RAB44: variants seen among roughly 807,000 people sequenced by gnomAD.
The protein encoded by RAB44 is ras-related protein Rab-44.
Under a neutral mutation model 93.3 loss-of-function variants are expected in RAB44, and 67 were observed. The observed-to-expected ratio is 0.72, with a 90% CI of 0.59 to 0.88. The LOEUF is 0.88. RAB44 is among the 40% of genes least tolerant of loss of function. The pLI is 0.00. For synonymous variants in RAB44, 427 were observed against 520.3 expected, an observed-to-expected ratio of 0.82 and a Z score of 2.44; for missense variants, 1,064 against 1,261.7, an observed-to-expected ratio of 0.84 and a Z score of 2.37.
chr6:36,700,034 T>G (rs1762474221), intron 1 of RAB44, among the ~76,000 whole-genome samples: 1 of 152,048 alleles, frequency 6.6e-6, no homozygotes, highest in African/African-American at 2.4e-5. Context: ...TATTTCAGCA[T>G]GAGGAGAAGG....
chr6:36,719,044 C>G (rs141495592), intron 7 of RAB44, among the ~76,000 whole-genome samples: 1 of 152,110 alleles, frequency 6.6e-6, no homozygotes, highest in Non-Finnish European at 1.5e-5. Flanking sequence ...CTCAGCCTCC[C>G]GAGTAGCTGG....
chr6:36,723,056 C>G (rs1305646380), intron 9 of RAB44, among the ~76,000 whole-genome samples: 1 of 152,246 alleles, frequency 6.6e-6, no homozygotes, highest in African/African-American at 2.4e-5. Flanking sequence ...ATGGGCAGGC[C>G]AGAGCAGGTT....
intron 2 of RAB44, among the ~76,000 whole-genome samples, chr6:36,712,616 CG>C (rs1762815172): frequency 1.3e-5 from 2 of 152,270 alleles, no homozygotes; most frequent in East Asian, 3.9e-4. Context: ...CTGCCCGCCT[CG>C]GCCTCTCAAA....
Position 36,722,304 on chromosome 6 carries a change from A to C in RAB44, c.2170A>C (p.Thr724Pro), listed in dbSNP as rs548687311. The C allele has an allele frequency of 1.8e-4, 233 of 1,309,966 alleles. No individual in the cohort carries two copies. The Admixed American group carries it at 1.9e-3, about 11-fold the overall frequency. The allele number at this position is 1,309,966 out of a possible 1,614,324, so 81.1% of individuals were successfully genotyped here. A position where few individuals can be genotyped will look rare whatever the true frequency, so the allele number is the denominator to read the frequency against. ...DSLLVSLPSATPQAQVEAEGP... is the reference protein window; with the variant it reads ...DSLLVSLPSAPPQAQVEAEGP... The stretch of plus-strand genomic sequence containing the variant: ...TCTGCTTGTTTCTCTCCCATCTGCC[A>C]CACCACAGGCTCAGGTGGAAGCAGA... The change falls in exon 9 of 14, where the codon ACA becomes CCA. Residue 724 changes from threonine (T) to proline (P), a missense_variant. Thr to Pro is a conservative substitution (Grantham distance 38). Transcript: ENST00000612677.
rs2150343565 is a variant in RAB44, at chr6:36,731,109, G to T, written c.2975+360G>T. On this transcript the variant is annotated intron_variant, in intron 13 of 13. Transcript: ENST00000612677. This position sits in a 1 kb window ranked among gnomAD's most constrained non-coding sequence, Gnocchi z 4.0. ...AAATCCAAATGCTTTGCAATGGCCT[G>T]CAGCATCTCTAGTGCCATCTCCCCC... 6.6e-6 allele frequency among the ~76,000 whole-genome samples: 1 copy of T among 151,874 alleles called. No individual in the cohort carries two copies. The highest frequency in any genetic ancestry group is 2.1e-4 in the South Asian group (1 of 4,814).
chr6:36,728,510 T>C (rs1763288420), intron 11 of RAB44, among the ~76,000 whole-genome samples, 190 bp from the exon 12 acceptor site: 1 of 151,326 alleles, frequency 6.6e-6, no homozygotes, highest in African/African-American at 2.4e-5. Flanking sequence ...AGGTTGGCCT[T>C]GGAAAATAAG....
intron 4 of RAB44, among the ~76,000 whole-genome samples, chr6:36,716,647 G>A (rs1263756991): frequency 6.6e-6 from 1 of 152,116 alleles, no homozygotes; most frequent in East Asian, 1.9e-4. Flanking sequence ...TTGGCTCCCG[G>A]AGGGTGGGGC....
At chr6:36,701,313 T>A (rs1465268038) in intron 1 of RAB44, among the ~76,000 whole-genome samples, 1 of 152,188 alleles carries the variant, frequency 6.6e-6, no homozygotes. Context: ...TTCATCATGT[T>A]GCCCAGGCTG....
At chr6:36,702,010 T>G (rs915215617) in intron 1 of RAB44, among the ~76,000 whole-genome samples, 1 of 152,072 alleles carries the variant, frequency 6.6e-6, no homozygotes, top group Non-Finnish European at 1.5e-5. Flanking sequence ...GGTAAATGGT[T>G]GTTGCTTATG....
In RAB44 at chr6:36,725,966, G is replaced by A. The variant is rs900968168; in HGVS notation, c.2681+23G>A. On this transcript the variant is annotated intron_variant, in intron 10 of 13. Transcript: ENST00000612677. ...GAGGTAACAGGCACTGTATATCAGT[G>A]TGTCAGGAACCTAGGCTGAGCGTAG... 6.5e-6 allele frequency: 10 copies of A among 1,539,634 alleles called. No homozygotes were observed. The Admixed American group carries it at 1.4e-4, about 21-fold the overall frequency.
chr6:36,703,353 T>C (rs1344601920), intron 1 of RAB44, among the ~76,000 whole-genome samples: 2 of 152,112 alleles, frequency 1.3e-5, no homozygotes, highest in African/African-American at 2.4e-5. Context: ...ATTCAAACCA[T>C]AGCAGGGTTG....
At chr6:36,707,419 G>A (rs1762676203) in intron 2 of RAB44, among the ~76,000 whole-genome samples, 1 of 151,200 alleles carries the variant, frequency 6.6e-6, no homozygotes, top group Admixed American at 6.6e-5. Flanking sequence ...AAGAAGACCA[G>A]GAAAGAGCTT....
Position 36,731,594 on chromosome 6 carries a change from C to A in RAB44, c.2976-409C>A, listed in dbSNP as rs1484918192. 6.6e-6 allele frequency among the ~76,000 whole-genome samples: 1 copy of A among 152,180 alleles called. No homozygotes were observed. The highest frequency in any genetic ancestry group is 2.4e-5 in the African/African-American group (1 of 41,426). ...TGGCCCTCTGCTTGGGATGCACCTC[C>A]CCCACCCTTTCTGCTGGCATACCTT... On this transcript the variant is annotated intron_variant, in intron 13 of 13. Coordinates refer to ENST00000612677, the MANE Select transcript of RAB44 (RefSeq NM_001257357.2). The surrounding 1 kb of genome is among the most constrained non-coding windows in gnomAD (Gnocchi z 4.0).
At chr6:36,727,504 T>C in intron 10 of RAB44, 73 bp from the exon 11 acceptor site, 1 of 954,900 alleles carries the variant, frequency 1.0e-6, no homozygotes, top group Non-Finnish European at 1.6e-6. Flanking sequence ...GATAGGTTAC[T>C]TCTCCCACTT....
rs1288865489 is a variant in RAB44, at chr6:36,731,876, A to C, written c.2976-127A>C. 1 of 457,792 alleles carries C rather than the reference A, an allele frequency of 2.2e-6. No homozygotes were observed. The highest frequency in any genetic ancestry group is 3.5e-6 in the Non-Finnish European group (1 of 281,994). 28.4% of individuals were successfully genotyped at this position (457,792 alleles called of 1,614,324 possible). On this transcript the variant is annotated intron_variant, in intron 13 of 13. Transcript: ENST00000612677. The surrounding 1 kb of genome is among the most constrained non-coding windows in gnomAD (Gnocchi z 4.0). ...ATTCTTCGGGTCTCATGTGGAATGC[A>C]GGGCAGGGGCAGAGCTGTTGTGGGG...
intron 10 of RAB44, among the ~76,000 whole-genome samples, chr6:36,727,033 G>A (rs531989736): frequency 3.3e-5 from 5 of 151,918 alleles, no homozygotes; most frequent in African/African-American, 1.2e-4. Flanking sequence ...ACTCCTGACC[G>A]CAAGTGATCC....
intron 1 of RAB44, among the ~76,000 whole-genome samples, chr6:36,698,203 A>C (rs1762428188): frequency 6.6e-6 from 1 of 152,164 alleles, no homozygotes; most frequent in Non-Finnish European, 1.5e-5. Context: ...GAGTGAGGAT[A>C]AGTAGACTGG....
At chr6:36,722,773 C>T (rs1053975243) in intron 9 of RAB44, 40 bp downstream of exon 9, 21 of 1,548,120 alleles carry the variant, frequency 1.4e-5, no homozygotes, top group South Asian at 2.4e-5. Flanking sequence ...CAAGGAGAGA[C>T]GCAGGGGCCA....
chr6:36,732,310 A>T lies in RAB44; in HGVS notation c.*217A>T. The T allele has an allele frequency of 3.1e-5, 10 of 321,904 alleles. No homozygotes were observed. The highest frequency in any genetic ancestry group is 9.9e-5 in the Admixed American group (2 of 20,138). The allele number at this position is 321,904 out of a possible 1,614,324, so 19.9% of individuals were successfully genotyped here. A position where few individuals can be genotyped will look rare whatever the true frequency, so the allele number is the denominator to read the frequency against. ...GCTGAGTGAACAAGGCTTGAGGGGC[A>T]GGGGTATGGCAAAACTCTCCAAACA... is the stretch of plus-strand genomic sequence containing the variant. On this transcript the variant is annotated 3_prime_UTR_variant, in exon 14 of 14. Coordinates refer to ENST00000612677, the MANE Select transcript of RAB44 (RefSeq NM_001257357.2).
Sources: gnomAD v4.1 joint callset for allele counts (sites outside exome capture counted in the v4.1 genomes callset) on GRCh38, gnomAD v4.1.1 for gene constraint, Gnocchi (gnomAD v3.1) non-coding constraint, MANE v1.5 for transcripts, NCBI Gene and HGNC (gene_info 2026-07-23, HGNC 2026-07-21) for gene names.